DGKB: variants seen among roughly 807,000 people sequenced by gnomAD.
DGKB encodes diacylglycerol kinase beta, also known as 90 kDa diacylglycerol kinase.
DGKB carries 67 observed loss-of-function variants against 114.3 expected under a neutral mutation model. That is an observed-to-expected ratio of 0.59 (90% CI 0.48 to 0.72). DGKB has a LOEUF of 0.72. DGKB is among the 30% of genes least tolerant of loss of function. DGKB has a pLI of 0.00. For missense variants in DGKB, 907 were observed against 975.2 expected (o/e 0.93, Z 0.93); for synonymous variants, 398 against 323.1 (o/e 1.23, Z -2.49).
chr7:14,232,939 C>G (rs892927653), intron 23 of DGKB, among the ~76,000 whole-genome samples: 2 of 152,044 alleles, frequency 1.3e-5, no homozygotes, highest in Admixed American at 6.6e-5. Context: ...CAATCTCCAA[C>G]AATTTTAAGT....
chr7:14,190,343 G>A (rs2128270327), intron 23 of DGKB, among the ~76,000 whole-genome samples: 1 of 152,234 alleles, frequency 6.6e-6, no homozygotes, highest in South Asian at 2.1e-4. Context: ...TGAGACAAAT[G>A]AGAATGGGAC....
chr7:14,523,811 A>G (rs1790182925), intron 20 of DGKB, among the ~76,000 whole-genome samples: 1 of 152,192 alleles, frequency 6.6e-6, no homozygotes, highest in African/African-American at 2.4e-5. Context: ...CAGACATATC[A>G]GTGTTTGAAT....
chr7:14,458,234 A>C (rs1468391900), intron 21 of DGKB, among the ~76,000 whole-genome samples: 5 of 152,218 alleles, frequency 3.3e-5, no homozygotes, highest in African/African-American at 9.6e-5. Flanking sequence ...TTTCTTTTAA[A>C]ATTTAAATTA....
At chr7:14,327,011 T>G (rs1425424537) in intron 23 of DGKB, among the ~76,000 whole-genome samples, 1 of 152,002 alleles carries the variant, frequency 6.6e-6, no homozygotes, top group Admixed American at 6.6e-5. Context: ...ACCACAGGGG[T>G]TTCAAATGTC....
At chr7:14,762,980 C>T (rs752180312) in intron 2 of DGKB, among the ~76,000 whole-genome samples, 2 of 152,036 alleles carry the variant, frequency 1.3e-5, no homozygotes, top group Non-Finnish European at 2.9e-5. Flanking sequence ...TTTCCTGTTG[C>T]TTTTGGATTG....
At chr7:14,793,225 A>T in intron 2 of DGKB, among the ~76,000 whole-genome samples, 1 of 152,160 alleles carries the variant, frequency 6.6e-6, no homozygotes. Context: ...CTCATAGAAG[A>T]CTATTAGAAA....
At chr7:14,564,619 T>G (rs1018241005) in intron 20 of DGKB, among the ~76,000 whole-genome samples, 86 of 152,282 alleles carry the variant, frequency 5.6e-4, no homozygotes, top group African/African-American at 2.0e-3. Flanking sequence ...TAAAAATTCC[T>G]CTTGAAAATT....
chr7:14,411,629 C>T (rs941561587), intron 21 of DGKB, among the ~76,000 whole-genome samples: 1 of 151,758 alleles, frequency 6.6e-6, no homozygotes, highest in African/African-American at 2.4e-5. Flanking sequence ...ATAATAGGAT[C>T]ATAACAACCA....
rs993011916 is a variant in DGKB at position 14,574,099 on chromosome 7, G to T, written c.1770+113C>A. 2.0e-5 allele frequency: 16 copies of T among 792,470 alleles called. No individual in the cohort carries two copies. In the Admixed American group the frequency reaches 3.7e-4, roughly 18 times the overall value. 49.1% of individuals were successfully genotyped at this position (792,470 alleles called of 1,614,324 possible). ...GCCTATTAGAAGAGATGTTTTGATG[G>T]CACAAAAGGTAAAATAAGTTATTTA... On this transcript the variant is annotated intron_variant, in intron 20 of 25. Transcript: ENST00000402815.
chr7:14,710,255 G>T (rs1162898380), intron 6 of DGKB, among the ~76,000 whole-genome samples: 1 of 151,722 alleles, frequency 6.6e-6, no homozygotes, highest in Non-Finnish European at 1.5e-5. Flanking sequence ...TTATTTCCAG[G>T]TATTTAAAAA....
intron 6 of DGKB, among the ~76,000 whole-genome samples, chr7:14,702,825 A>G (rs907488590): frequency 1.2e-4 from 19 of 152,184 alleles, no homozygotes; most frequent in African/African-American, 3.9e-4. Context: ...CAATTCTAAC[A>G]TATTATTATT....
At chr7:14,421,335 G>T (rs143682232) in intron 21 of DGKB, among the ~76,000 whole-genome samples, 95 of 152,098 alleles carry the variant, frequency 6.2e-4, no homozygotes, top group Admixed American at 1.6e-3. Flanking sequence ...GATGACTCAC[G>T]ATCAGAACCC....
intron 23 of DGKB, among the ~76,000 whole-genome samples, chr7:14,319,233 C>T (rs1017271564): frequency 4.0e-5 from 6 of 151,216 alleles, no homozygotes; most frequent in Non-Finnish European, 5.9e-5. Context: ...CACATGTATA[C>T]GTATGTAACT....
rs575778855 is a variant in DGKB at position 14,683,310 on chromosome 7, T to C, written c.830-469A>G. Among the ~76,000 whole-genome samples the C allele has an allele frequency of 1.1e-4, 16 of 152,302 alleles. No homozygotes were observed. The South Asian group carries it at 3.1e-3, about 30-fold the overall frequency. ...CTAAATCTTAAATGGCTGATTAGTC[T>C]ATTTCCAGAGAAGAGATTTCATCAT... On this transcript the variant is annotated intron_variant, in intron 10 of 25. Transcript: ENST00000402815.
At chr7:14,683,222 C>T (rs2293339) in intron 10 of DGKB, among the ~76,000 whole-genome samples, 69,136 of 151,992 alleles carry the variant, frequency 0.45, 16,396 homozygotes, top group East Asian at 0.82. Flanking sequence ...AAAGTATAGG[C>T]ATGAGAGCAG....
At chr7:14,674,284 A>G (rs1484082716) in intron 12 of DGKB, among the ~76,000 whole-genome samples, 1 of 152,172 alleles carries the variant, frequency 6.6e-6, no homozygotes, top group South Asian at 2.1e-4. Context: ...ATTTAATTGT[A>G]TTAGGCACTA....
At chr7:14,418,601 CTTTTT>C (rs1159864965) in intron 21 of DGKB, among the ~76,000 whole-genome samples, 1 of 151,614 alleles carries the variant, frequency 6.6e-6, no homozygotes, top group Non-Finnish European at 1.5e-5. Flanking sequence ...CCATTTATTT[CTTTTT>C]AACAGGCTAT....
intron 12 of DGKB, among the ~76,000 whole-genome samples, chr7:14,682,006 G>C (rs956242505): frequency 6.6e-6 from 1 of 152,020 alleles, no homozygotes; most frequent in African/African-American, 2.4e-5. Flanking sequence ...ATAAAACACG[G>C]TCTACTTGCC....
intron 2 of DGKB, among the ~76,000 whole-genome samples, chr7:14,801,862 G>A (rs1562572091): frequency 6.7e-6 from 1 of 149,184 alleles, no homozygotes; most frequent in Non-Finnish European, 1.5e-5. Context: ...ATATATACAT[G>A]TATATATATA....
Sources: gnomAD v4.1 joint callset for allele counts (sites outside exome capture counted in the v4.1 genomes callset) on GRCh38, gnomAD v4.1.1 for gene constraint, MANE v1.5 for transcripts, NCBI Gene and HGNC (gene_info 2026-07-23, HGNC 2026-07-21) for gene names.